Variants in UBE3A observed in about 807,000 individuals in gnomAD.
The protein encoded by UBE3A is ubiquitin-protein ligase E3A.
A neutral mutation model predicts 83.4 loss-of-function variants in UBE3A; 6 were observed. That is an observed-to-expected ratio of 0.07 (90% CI 0.04 to 0.14). The LOEUF (loss-of-function observed/expected upper bound fraction) is 0.14. UBE3A is among the 10% of genes least tolerant of loss of function. UBE3A has a pLI of 1.00. For missense variants in UBE3A, 456 were observed against 1,036.1 expected, an observed-to-expected ratio of 0.44 and a Z score of 7.69; for synonymous variants, 337 against 355.4, an observed-to-expected ratio of 0.95 and a Z score of 0.58.
At chr15:25,384,208 C>T (rs2082680462) in intron 4 of UBE3A, among the ~76,000 whole-genome samples, 1 of 152,076 alleles carries the variant, frequency 6.6e-6, no homozygotes. Context: ...GCCTGTAACC[C>T]CAGCAGTTTG....
chr15:25,347,527 T>G (rs1181445357), intron 11 of UBE3A, among the ~76,000 whole-genome samples: 1 of 151,848 alleles, frequency 6.6e-6, no homozygotes, highest in Non-Finnish European at 1.5e-5. Context: ...TGGTGAAACC[T>G]CATCTCTAAT....
At chr15:25,355,401 G>A (rs2077082009) in intron 9 of UBE3A, among the ~76,000 whole-genome samples, 2 of 152,072 alleles carry the variant, frequency 1.3e-5, no homozygotes, top group East Asian at 3.8e-4. Context: ...CTATATATTT[G>A]TCATAATTTT....
chr15:25,384,312 T>A (rs538293954), intron 4 of UBE3A, among the ~76,000 whole-genome samples: 18 of 151,656 alleles, frequency 1.2e-4, no homozygotes, highest in African/African-American at 4.4e-4. Context: ...ACAAAATAAA[T>A]TAGCTGGGCT....
chr15:25,385,001 T>G (rs1025993105), intron 4 of UBE3A, among the ~76,000 whole-genome samples: 6 of 152,164 alleles, frequency 3.9e-5, no homozygotes, highest in African/African-American at 1.4e-4. Flanking sequence ...ATTATAAAAC[T>G]ACTACAAGAA....
intron 1 of UBE3A, among the ~76,000 whole-genome samples, chr15:25,417,504 CAACA>C (rs947391574): frequency 2.0e-5 from 3 of 151,356 alleles, no homozygotes; most frequent in African/African-American, 4.9e-5. Flanking sequence ...AAAAACCAAC[CAACA>C]AATTCAGAGT....
intron 6 of UBE3A, among the ~76,000 whole-genome samples, chr15:25,365,946 C>T (rs1488597579): frequency 6.6e-6 from 1 of 152,098 alleles, no homozygotes; most frequent in Non-Finnish European, 1.5e-5. Context: ...CACATAATCA[C>T]GTTCGTCCAT....
In UBE3A at chr15:25,349,577, A is replaced by G. The variant is rs923408640; in HGVS notation, c.2354+4776T>C. ...GACCTCCAGTGATGTCTGAAATTGC[A>G]AATAGTACTGAACCCTGTATATACT... On this transcript the variant is annotated intron_variant, in intron 11 of 12. Coordinates refer to ENST00000648336, the MANE Select transcript of UBE3A (RefSeq NM_130839.5). Among the ~76,000 whole-genome samples the G allele has an allele frequency of 5.9e-5, 9 of 152,280 alleles. No homozygotes were observed. In the East Asian group the frequency reaches 1.7e-3, roughly 29 times the overall value.
intron 1 of UBE3A, among the ~76,000 whole-genome samples, chr15:25,433,393 G>C (rs1371670875): frequency 2.6e-5 from 4 of 151,852 alleles, no homozygotes; most frequent in Non-Finnish European, 4.4e-5. Context: ...TCACCGTGTT[G>C]GCCAGGATGG....
intron 6 of UBE3A, among the ~76,000 whole-genome samples, chr15:25,363,686 A>G (rs943573707): frequency 6.6e-6 from 1 of 152,050 alleles, no homozygotes; most frequent in East Asian, 1.9e-4. Flanking sequence ...TAGGATTATG[A>G]GTGATTTTTA....
chr15:25,350,659 A>G (rs1310751303), intron 11 of UBE3A, among the ~76,000 whole-genome samples: 2 of 152,204 alleles, frequency 1.3e-5, no homozygotes, highest in Admixed American at 6.5e-5. Flanking sequence ...CTTTATTCAC[A>G]ATAGTCCCAA....
intron 4 of UBE3A, among the ~76,000 whole-genome samples, chr15:25,396,709 T>C (rs142932378): frequency 2.2e-4 from 33 of 152,296 alleles, no homozygotes; most frequent in Middle Eastern, 3.4e-3. Flanking sequence ...ATCTGGGTTA[T>C]TGCATTAGTT....
chr15:25,353,290 C>G (rs2076774028), intron 11 of UBE3A, among the ~76,000 whole-genome samples: 1 of 152,106 alleles, frequency 6.6e-6, no homozygotes, highest in African/African-American at 2.4e-5. Context: ...TCCCACATAC[C>G]ACGACGAACA....
intron 3 of UBE3A, chr15:25,407,128 G>A: frequency 8.1e-6 from 11 of 1,350,486 alleles, no homozygotes; most frequent in Non-Finnish European, 1.1e-5. Flanking sequence ...GTATCTCCCA[G>A]ACAGAAGAGC....
At chr15:25,422,222 A>G (rs186587692) in intron 1 of UBE3A, among the ~76,000 whole-genome samples, 3 of 152,332 alleles carry the variant, frequency 2.0e-5, no homozygotes, top group South Asian at 2.1e-4. Flanking sequence ...ATGCAATTCT[A>G]GAGTAGGAAA....
intron 6 of UBE3A, among the ~76,000 whole-genome samples, chr15:25,367,224 CATATTTGTAAATATGTAAATATTTGCAT>C (rs2079367150): frequency 1.2e-5 from 1 of 81,320 alleles, no homozygotes; most frequent in African/African-American, 6.2e-5. Context: ...TAAATATTTA[CATATTTGTAAATATGTAAATATTTGCAT>C]ATTTGTAAAT....
chr15:25,369,335 A>C lies in UBE3A; in HGVS notation c.1608+1231T>G, dbSNP rs1044659654. On this transcript the variant is annotated intron_variant, in intron 6 of 12. Transcript: ENST00000648336. ...ATGCAGAATCTTTCTCCAACACTAT[A>C]AACATATCTGACATTAAAAAAAAAA... is the stretch of plus-strand genomic sequence containing the variant. Among the ~76,000 whole-genome samples the C allele has an allele frequency of 5.0e-4, 76 of 151,102 alleles. 4 individuals are homozygous for C. The highest frequency in any genetic ancestry group is 2.4e-5 in the African/African-American group (1 of 41,054).
intron 4 of UBE3A, among the ~76,000 whole-genome samples, chr15:25,395,495 T>G (rs1395626731): frequency 6.6e-6 from 1 of 152,184 alleles, no homozygotes; most frequent in African/African-American, 2.4e-5. Context: ...GATTTACCAA[T>G]AATTTGAGTA....
chr15:25,438,740 G>T lies in UBE3A; in HGVS notation c.-416C>A, dbSNP rs1895933877. The T allele has an allele frequency of 6.6e-6, 1 of 152,488 alleles. No individual in the cohort carries two copies. The highest frequency in any genetic ancestry group is 1.5e-5 in the Non-Finnish European group (1 of 68,246). 9.4% of individuals were successfully genotyped at this position (152,488 alleles called of 1,614,324 possible). ...GGGGCTGAGGGGCCCTCCTGCCAGG[G>T]GCTACAGGCCGCGAGCTATTCCGAG... is the stretch of plus-strand genomic sequence containing the variant. On this transcript the variant is annotated 5_prime_UTR_variant, in exon 1 of 13. Transcript: ENST00000648336.
intron 4 of UBE3A, among the ~76,000 whole-genome samples, chr15:25,385,376 T>C (rs1388643188): frequency 6.6e-6 from 1 of 152,108 alleles, no homozygotes; most frequent in African/African-American, 2.4e-5. Flanking sequence ...GGGAGAAATG[T>C]CAATTAAAAC....
Sources: gnomAD v4.1 joint callset for allele counts (sites outside exome capture counted in the v4.1 genomes callset) on GRCh38, gnomAD v4.1.1 for gene constraint, MANE v1.5 for transcripts, NCBI Gene and HGNC (gene_info 2026-07-23, HGNC 2026-07-21) for gene names.